Variants in TRIM37 observed in about 807,000 individuals in gnomAD.
TRIM37 encodes tripartite motif containing 37, also known as E3 ubiquitin-protein ligase TRIM37.
In TRIM37, 80 loss-of-function variants were observed where a neutral mutation model predicts 129.8. The ratio of observed to expected loss-of-function variants is 0.62; its 90% CI spans 0.51 to 0.74. The LOEUF (loss-of-function observed/expected upper bound fraction) is 0.74, where lower values mean the gene tolerates loss of function less well. Ranked by LOEUF, TRIM37 falls within the 30% of genes least tolerant of loss-of-function variation. The pLI is 0.00. For synonymous variants in TRIM37, 389 were observed against 387.1 expected, an observed-to-expected ratio of 1.00 and a Z score of -0.06; for missense variants, 1,054 against 1,176.5, an observed-to-expected ratio of 0.90 and a Z score of 1.52.
downstream of TRIM37, among the ~76,000 whole-genome samples, chr17:58,994,840 C>T (rs1369277395): frequency 6.6e-6 from 1 of 151,908 alleles, no homozygotes; most frequent in Non-Finnish European, 1.5e-5. Flanking sequence ...ACCTCCGCCT[C>T]ACGGGTTTAA....
the TRIM37 span, chr17:58,972,848 T>C: frequency 6.2e-7 from 1 of 1,612,968 alleles, no homozygotes; most frequent in Non-Finnish European, 8.5e-7. Flanking sequence ...AAGCAGAGAA[T>C]TGAGGCCCTT....
At chr17:59,051,958 A>G (rs2040393834) in intron 13 of TRIM37, among the ~76,000 whole-genome samples, 1 of 151,820 alleles carries the variant, frequency 6.6e-6, no homozygotes, top group South Asian at 2.1e-4. Flanking sequence ...ATTCCATCTC[A>G]CGTTCCCGTA....
chr17:58,979,664 T>G (rs1214571007), downstream of TRIM37, among the ~76,000 whole-genome samples: 2 of 152,156 alleles, frequency 1.3e-5, no homozygotes, highest in Non-Finnish European at 2.9e-5. Context: ...AGCAACAAAC[T>G]TTTAGATCTG....
chr17:59,075,066 C>T (rs1275591569), intron 8 of TRIM37, among the ~76,000 whole-genome samples: 2 of 152,096 alleles, frequency 1.3e-5, no homozygotes, highest in African/African-American at 4.8e-5. Flanking sequence ...GAGATTTTAA[C>T]CTCTTATACA....
chr17:58,974,764 A>C, the TRIM37 span, among the ~76,000 whole-genome samples: 2 of 152,208 alleles, frequency 1.3e-5, no homozygotes, highest in Admixed American at 1.3e-4. Flanking sequence ...AACATGAAGA[A>C]AATCTGAAAG....
At chr17:58,977,771 C>A (rs763687617), downstream of TRIM37, among the ~76,000 whole-genome samples, 61 of 152,100 alleles carry the variant, frequency 4.0e-4, no homozygotes, top group Non-Finnish European at 7.9e-4. Context: ...GAGACAGAGT[C>A]TCCCTCTGTC....
At chr17:59,081,959 A>AT (rs1568200021) in intron 5 of TRIM37, among the ~76,000 whole-genome samples, 1,666 of 130,670 alleles carry the variant, frequency 0.013, 13 homozygotes, top group Middle Eastern at 0.031. Flanking sequence ...AAAATAAAAA[A>AT]AAAAAAATAA....
intron 13 of TRIM37, among the ~76,000 whole-genome samples, chr17:59,053,261 T>C (rs2040521539): frequency 6.6e-6 from 1 of 152,218 alleles, no homozygotes; most frequent in Non-Finnish European, 1.5e-5. Context: ...CATACATTCA[T>C]AGTTATAGAA....
intron 10 of TRIM37, chr17:59,064,097 C>T: frequency 2.5e-6 from 1 of 404,296 alleles, no homozygotes; most frequent in Non-Finnish European, 4.5e-6. Context: ...CACTGCACTC[C>T]AGCCTGGGTG....
intron 21 of TRIM37, among the ~76,000 whole-genome samples, chr17:59,012,912 C>G (rs1056991706): frequency 6.6e-6 from 1 of 150,958 alleles, no homozygotes; most frequent in East Asian, 1.9e-4. Context: ...TAAATATTCA[C>G]AAAAAAATGT....
chr17:59,045,644 A>C (rs2039711985), intron 16 of TRIM37, among the ~76,000 whole-genome samples: 1 of 151,704 alleles, frequency 6.6e-6, no homozygotes, highest in African/African-American at 2.4e-5. Context: ...GTCACAAAAA[A>C]AAAAAAAAGA....
intron 18 of TRIM37, 78 bp downstream of exon 18, chr17:59,031,818 G>A (rs960564692): frequency 2.1e-6 from 3 of 1,444,034 alleles, no homozygotes; most frequent in Non-Finnish European, 2.9e-6. Context: ...ACACATAGCT[G>A]AAATACTTAA....
At chr17:59,088,689 A>C (rs184684904) in intron 3 of TRIM37, among the ~76,000 whole-genome samples, 1 of 151,842 alleles carries the variant, frequency 6.6e-6, no homozygotes, top group African/African-American at 2.4e-5. Flanking sequence ...GCTAATTTTA[A>C]AATTTTTTGT....
chr17:59,081,700 G>GA lies in TRIM37; in HGVS notation c.370-482dup, dbSNP rs547903982. On this transcript the variant is annotated intron_variant, in intron 5 of 23. Coordinates refer to ENST00000262294, the MANE Select transcript of TRIM37 (RefSeq NM_015294.6). The stretch of plus-strand genomic sequence containing the variant: ...AGGAGGGCAGATCACTTGAACTGAG[G>GA]AATTCATGACTGGCCTGGCCAACAC... Among the ~76,000 whole-genome samples, 109 of 151,992 alleles carry GA rather than the reference G, an allele frequency of 7.2e-4. 2 individuals carry two copies. The South Asian group carries it at 0.022, about 31-fold the overall frequency.
intron 12 of TRIM37, 120 bp downstream of exon 12, chr17:59,060,912 T>G: frequency 1.4e-6 from 1 of 721,254 alleles, no homozygotes; most frequent in East Asian, 2.7e-5. Context: ...AAGAACATAT[T>G]ATTCTACATC....
chr17:59,032,369 C>CA (rs1844330952), intron 17 of TRIM37, among the ~76,000 whole-genome samples: 1 of 149,800 alleles, frequency 6.7e-6, no homozygotes, highest in African/African-American at 2.5e-5. Flanking sequence ...ACTAAAAATA[C>CA]AAAAAATTAG....
At chr17:59,075,179 T>C (rs1362845070) in intron 8 of TRIM37, among the ~76,000 whole-genome samples, 2 of 152,134 alleles carry the variant, frequency 1.3e-5, no homozygotes, top group Non-Finnish European at 2.9e-5. Flanking sequence ...AGCTGATTCC[T>C]AATTTCATAA....
intron 2 of TRIM37, among the ~76,000 whole-genome samples, chr17:59,099,455 G>A (rs986498698): frequency 1.3e-5 from 2 of 151,582 alleles, no homozygotes; most frequent in African/African-American, 4.9e-5. Context: ...TGGAAATAGT[G>A]ATATGGTTGT....
intron 22 of TRIM37, among the ~76,000 whole-genome samples, chr17:59,001,959 G>A (rs912022984): frequency 6.6e-6 from 1 of 151,976 alleles, no homozygotes; most frequent in African/African-American, 2.4e-5. Flanking sequence ...CATAGTACCT[G>A]AAAGTTATTA....
Sources: allele counts gnomAD v4.1 joint callset (sites outside exome capture counted in the v4.1 genomes callset), GRCh38; gene constraint gnomAD v4.1.1; transcripts MANE v1.5; gene names NCBI Gene and HGNC (gene_info 2026-07-23, HGNC 2026-07-21).